LARGE1: variants seen among roughly 807,000 people sequenced by gnomAD.
LARGE1 encodes the protein LARGE xylosyl- and glucuronyltransferase 1.
A neutral mutation model predicts 87.6 loss-of-function variants in LARGE1; 43 were observed. That is an observed-to-expected ratio of 0.49 (90% confidence interval 0.38 to 0.63). The LOEUF is 0.63. Among genes scored for constraint, LARGE1 ranks in the 30% least tolerant of loss-of-function variants. LARGE1 has a pLI of 0.00. For missense variants in LARGE1, 802 were observed against 1,000.2 expected (o/e 0.80, Z 2.67); for synonymous variants, 434 against 394.6 (o/e 1.10, Z -1.18).
intron 4 of LARGE1, among the ~76,000 whole-genome samples, chr22:33,610,239 G>A (rs2079387796): frequency 6.6e-6 from 1 of 152,194 alleles, no homozygotes; most frequent in South Asian, 2.1e-4. Context: ...AGAGTTTGGA[G>A]GGCTCAGAAG....
At chr22:33,775,105 C>T (rs951230312) in intron 1 of LARGE1, among the ~76,000 whole-genome samples, 6 of 152,184 alleles carry the variant, frequency 3.9e-5, no homozygotes, top group East Asian at 1.9e-4. Context: ...CACTTTCACA[C>T]GGCCTTAATT....
At chr22:33,803,295 C>T (rs2086218855) in intron 1 of LARGE1, among the ~76,000 whole-genome samples, 1 of 152,138 alleles carries the variant, frequency 6.6e-6, no homozygotes, top group Admixed American at 6.5e-5. Context: ...ATCTCTGTAG[C>T]TTCCATATTG....
intron 6 of LARGE1, 129 bp downstream of exon 6, chr22:33,564,719 A>G (rs1346556827): frequency 2.3e-6 from 2 of 875,414 alleles, no homozygotes; most frequent in African/African-American, 3.3e-5. Flanking sequence ...CATATTTGTA[A>G]TTCCTCACCC....
chr22:33,535,150 T>C (rs1255810046), intron 6 of LARGE1, among the ~76,000 whole-genome samples: 1 of 152,200 alleles, frequency 6.6e-6, no homozygotes, highest in African/African-American at 2.4e-5. Context: ...ACGCCTTCTG[T>C]TCATCTCCTT....
In LARGE1 at chr22:33,871,235, T is replaced by C. The variant is rs115518328; in HGVS notation, c.-83+48760A>G. Among the ~76,000 whole-genome samples the C allele has an allele frequency of 8.4e-3, 1,275 of 152,356 alleles. 15 individuals carry two copies. Among genetic ancestry groups the C allele is most frequent in the African/African-American group, 0.028 (1,174 of 41,584 alleles). On this transcript the variant is annotated intron_variant, in intron 1 of 14. Transcript: ENST00000397394. Reference sequence around the variant, plus strand: ...TCATTTTAAGGCTGACCCAGGTCTATAGCAGCAACAGAAATCAGAATAGGA... The same window carrying C: ...TCATTTTAAGGCTGACCCAGGTCTACAGCAGCAACAGAAATCAGAATAGGA...
intron 11 of LARGE1, among the ~76,000 whole-genome samples, chr22:33,203,289 C>T (rs1374065494): frequency 6.6e-6 from 1 of 152,156 alleles, no homozygotes; most frequent in Non-Finnish European, 1.5e-5. Flanking sequence ...CCCACTCCCT[C>T]ATTAAAATTC....
chr22:33,751,825 T>C (rs1468370935), intron 2 of LARGE1, among the ~76,000 whole-genome samples: 1 of 151,920 alleles, frequency 6.6e-6, no homozygotes, highest in Non-Finnish European at 1.5e-5. Flanking sequence ...TGGAGTGCAG[T>C]GGCATGATCT....
chr22:33,580,127 T>C (rs183581711), intron 5 of LARGE1, among the ~76,000 whole-genome samples: 4 of 151,730 alleles, frequency 2.6e-5, no homozygotes, highest in Admixed American at 2.6e-4. Flanking sequence ...TTCCAACACT[T>C]TGGGAGGCCA....
chr22:33,079,394 A>AT, the LARGE1 span, among the ~76,000 whole-genome samples: 3 of 151,408 alleles, frequency 2.0e-5, no homozygotes, highest in Non-Finnish European at 4.4e-5. Flanking sequence ...CGCCCGGATA[A>AT]TTTTTTGTAT....
In LARGE1 at chr22:33,560,111, T is replaced by C. The variant is rs188307514; in HGVS notation, c.787+4737A>G. Among the ~76,000 whole-genome samples the C allele has an allele frequency of 7.9e-5, 12 of 152,248 alleles. No homozygotes were observed. In the East Asian group the frequency reaches 2.3e-3, roughly 29 times the overall value. Reference sequence around the variant, plus strand: ...TAGACTGTTTGGGTTCAAATCTCGGTTTCATGACTTAAGAAATGTGAGACT... The same window carrying C: ...TAGACTGTTTGGGTTCAAATCTCGGCTTCATGACTTAAGAAATGTGAGACT... On this transcript the variant is annotated intron_variant, in intron 6 of 14. Coordinates refer to ENST00000397394, the MANE Select transcript of LARGE1 (RefSeq NM_133642.5).
At chr22:33,747,338 C>T (rs751716815) in intron 2 of LARGE1, among the ~76,000 whole-genome samples, 9 of 152,094 alleles carry the variant, frequency 5.9e-5, no homozygotes, top group Non-Finnish European at 1.0e-4. Flanking sequence ...CTGACCTCAT[C>T]CACCATGTTG....
intron 1 of LARGE1, among the ~76,000 whole-genome samples, chr22:33,774,304 T>G (rs2085163458): frequency 6.6e-6 from 1 of 152,196 alleles, no homozygotes; most frequent in African/African-American, 2.4e-5. Flanking sequence ...TTCTCCACAG[T>G]TGACTTAAAA....
chr22:33,816,216 T>G (rs1601685105), intron 1 of LARGE1, among the ~76,000 whole-genome samples: 1 of 152,238 alleles, frequency 6.6e-6, no homozygotes. Context: ...ATCTGGATTT[T>G]CATGCTTGGT....
chr22:33,288,948 AATTATTATT>A (rs111962265), intron 12 of LARGE1, among the ~76,000 whole-genome samples: 3 of 150,966 alleles, frequency 2.0e-5, no homozygotes, highest in East Asian at 2.0e-4. Context: ...TGGATCAAGG[AATTATTATT>A]ATTATTATTA....
chr22:33,815,871 G>C (rs1358796659), intron 1 of LARGE1, among the ~76,000 whole-genome samples: 1 of 152,134 alleles, frequency 6.6e-6, no homozygotes, highest in Non-Finnish European at 1.5e-5. Context: ...AAATCACGAG[G>C]AGAGGTGCCG....
chr22:33,721,901 T>C (rs936379509), intron 2 of LARGE1, among the ~76,000 whole-genome samples: 1 of 152,142 alleles, frequency 6.6e-6, no homozygotes, highest in Non-Finnish European at 1.5e-5. Flanking sequence ...ATTTTTGTCT[T>C]TGGTATATTG....
At chr22:33,462,525 G>A (rs1214634347) in intron 6 of LARGE1, among the ~76,000 whole-genome samples, 1 of 152,228 alleles carries the variant, frequency 6.6e-6, no homozygotes, top group African/African-American at 2.4e-5. Flanking sequence ...GCTCAGGCCT[G>A]TAATCCCAGC....
the LARGE1 span, among the ~76,000 whole-genome samples, chr22:33,139,217 C>G: frequency 7.0e-3 from 1,071 of 152,254 alleles, 8 homozygotes; most frequent in African/African-American, 0.024. Context: ...CAGACTAATA[C>G]AGGTGGTATC....
At chr22:33,605,698 CATGAA>C (rs1252598700) in intron 4 of LARGE1, among the ~76,000 whole-genome samples, 5 of 152,108 alleles carry the variant, frequency 3.3e-5, no homozygotes, top group Admixed American at 3.3e-4. Flanking sequence ...AGCGTAATGC[CATGAA>C]TGAGTACCTA....
Sources: gnomAD v4.1 joint callset for allele counts (sites outside exome capture counted in the v4.1 genomes callset) on GRCh38, gnomAD v4.1.1 for gene constraint, MANE v1.5 for transcripts, NCBI Gene and HGNC (gene_info 2026-07-23, HGNC 2026-07-21) for gene names.